Variants in COMMD10 observed in about 807,000 individuals in gnomAD.
The protein encoded by COMMD10 is COMM domain containing 10, also known as COMM domain-containing protein 10.
COMMD10 carries 33 observed loss-of-function variants against 28.9 expected under a neutral mutation model. That is an observed-to-expected ratio of 1.14 (90% CI 0.87 to 1.53). The LOEUF is 1.53. COMMD10 is among the 40% of genes most tolerant of loss of function. The pLI, the probability that COMMD10 is intolerant of heterozygous loss-of-function variation, is 0.00. For missense variants in COMMD10, 310 were observed against 233.4 expected (o/e 1.33, Z -2.14); for synonymous variants, 110 against 81.7 (o/e 1.35, Z -1.87).
At chr5:116,273,033 A>G (rs963797432) in intron 5 of COMMD10, among the ~76,000 whole-genome samples, 12 of 151,806 alleles carry the variant, frequency 7.9e-5, no homozygotes, top group African/African-American at 2.7e-4. Flanking sequence ...TCTTTATAAA[A>G]CATCAATGAT....
intron 4 of COMMD10, among the ~76,000 whole-genome samples, chr5:116,109,193 G>A (rs1356206011): frequency 6.6e-6 from 1 of 152,148 alleles, no homozygotes; most frequent in African/African-American, 2.4e-5. Flanking sequence ...ATGAGCATGG[G>A]ATGTTTTTCC....
At chr5:116,158,152 C>A (rs62385215) in intron 5 of COMMD10, among the ~76,000 whole-genome samples, 2,854 of 85,460 alleles carry the variant, frequency 0.033, 233 homozygotes, top group Admixed American at 0.047. Flanking sequence ...CCCTCCCTTC[C>A]CCTCCCTCCC....
intron 4 of COMMD10, among the ~76,000 whole-genome samples, chr5:116,119,086 A>G (rs754143774): frequency 2.0e-5 from 3 of 152,132 alleles, no homozygotes; most frequent in Non-Finnish European, 2.9e-5. Flanking sequence ...TTATCTTCAT[A>G]TATTCTTGGT....
Position 116,262,063 on chromosome 5 carries a change from CTTTG to C in COMMD10, c.511-29449_511-29446del, listed in dbSNP as rs1027344278. 5.3e-5 allele frequency among the ~76,000 whole-genome samples: 8 copies of C among 151,630 alleles called. 1 individual carries two copies. The highest frequency in any genetic ancestry group is 9.7e-5 in the African/African-American group (4 of 41,080). On this transcript the variant is annotated intron_variant, in intron 5 of 6. Coordinates refer to ENST00000274458, the MANE Select transcript of COMMD10 (RefSeq NM_016144.4). ...AGGTAAGGCACAGAGAGGTTAATTA[CTTTG>C]TTTGAGGCCACACTAATAAGTGGTA...
chr5:116,149,875 T>C (rs1752461525), intron 5 of COMMD10, among the ~76,000 whole-genome samples: 1 of 151,280 alleles, frequency 6.6e-6, no homozygotes, highest in Admixed American at 6.6e-5. Context: ...ATCCCATTTG[T>C]CAATTTTGTC....
At chr5:116,200,392 T>A (rs1298116350) in intron 5 of COMMD10, among the ~76,000 whole-genome samples, 3 of 152,126 alleles carry the variant, frequency 2.0e-5, no homozygotes, top group African/African-American at 7.2e-5. Flanking sequence ...GAAGATGGTA[T>A]CCTTAAGTGT....
chr5:116,164,431 C>T (rs1211714352), intron 5 of COMMD10, among the ~76,000 whole-genome samples: 2 of 152,182 alleles, frequency 1.3e-5, no homozygotes, highest in African/African-American at 2.4e-5. Flanking sequence ...CAGTTGTTCA[C>T]ACAAAGGTTA....
At chr5:116,270,326 T>C (rs1428522216) in intron 5 of COMMD10, among the ~76,000 whole-genome samples, 1 of 151,890 alleles carries the variant, frequency 6.6e-6, no homozygotes, top group African/African-American at 2.4e-5. Context: ...TTTAAATATT[T>C]CATAATTGAA....
chr5:116,218,203 T>C, intron 5 of COMMD10: 1 of 773,044 alleles, frequency 1.3e-6, no homozygotes, highest in South Asian at 1.3e-5. Flanking sequence ...GAGAAGCAGG[T>C]TTAGCGGACA....
In COMMD10 at chr5:116,161,557, AAC is replaced by A. The variant is rs373511647; in HGVS notation, c.510+27381_510+27382del. Among the ~76,000 whole-genome samples the A allele has an allele frequency of 1.3e-3, 192 of 152,240 alleles. 2 individuals carry two copies. Among genetic ancestry groups the A allele is most frequent in the African/African-American group, 4.1e-3 (169 of 41,536 alleles). On this transcript the variant is annotated intron_variant, in intron 5 of 6. Coordinates refer to ENST00000274458, the MANE Select transcript of COMMD10 (RefSeq NM_016144.4). The stretch of plus-strand genomic sequence containing the variant: ...ACTGTTACCCAGAAGCCTTACCAAT[AAC>A]AGTCAACACATATTTTATATATTAT...
intron 5 of COMMD10, chr5:116,255,706 C>T (rs949465514): frequency 2.0e-5 from 3 of 151,316 alleles, no homozygotes; most frequent in South Asian, 2.1e-4. Flanking sequence ...TAATAGTGTA[C>T]GTAAATGCTA....
intron 5 of COMMD10, among the ~76,000 whole-genome samples, chr5:116,150,109 A>G (rs948013611): frequency 2.6e-4 from 39 of 152,288 alleles, no homozygotes; most frequent in Admixed American, 3.9e-4. Flanking sequence ...TTTATTAAAT[A>G]GGGAATACTT....
intron 5 of COMMD10, among the ~76,000 whole-genome samples, chr5:116,216,751 GT>G (rs1749113273): frequency 6.6e-6 from 1 of 152,064 alleles, no homozygotes; most frequent in African/African-American, 2.4e-5. Flanking sequence ...GGCCAGGATG[GT>G]CTCGATCTCT....
chr5:116,092,461 TA>T, intron 3 of COMMD10, 83 bp from the exon 4 acceptor site: 2 of 972,490 alleles, frequency 2.1e-6, no homozygotes, highest in South Asian at 5.6e-5. Flanking sequence ...TTAAGTCATT[TA>T]AAAATAGTTT....
chr5:116,125,050 T>G (rs896707542), intron 4 of COMMD10, among the ~76,000 whole-genome samples: 24 of 152,322 alleles, frequency 1.6e-4, no homozygotes, highest in African/African-American at 4.6e-4. Context: ...TTAGCCCATT[T>G]ACATTTAACG....
intron 4 of COMMD10, among the ~76,000 whole-genome samples, chr5:116,095,365 G>A (rs1343393505): frequency 2.0e-5 from 3 of 152,220 alleles, no homozygotes; most frequent in African/African-American, 4.8e-5. Context: ...ACAGGCTAAT[G>A]TAAGTATACT....
chr5:116,200,288 A>G (rs1748632514), intron 5 of COMMD10, among the ~76,000 whole-genome samples: 1 of 151,970 alleles, frequency 6.6e-6, no homozygotes. Flanking sequence ...GAAAAATTGG[A>G]TGTAATTATC....
chr5:116,258,890 G>A (rs1750361976), intron 5 of COMMD10, among the ~76,000 whole-genome samples: 1 of 151,392 alleles, frequency 6.6e-6, no homozygotes, highest in African/African-American at 2.4e-5. Context: ...TCATTTCTGT[G>A]ATTGCTTTTT....
chr5:116,191,800 T>C (rs1254570331), intron 5 of COMMD10, among the ~76,000 whole-genome samples: 1 of 151,914 alleles, frequency 6.6e-6, no homozygotes, highest in African/African-American at 2.4e-5. Flanking sequence ...GCTGATGCTC[T>C]CTGGAAAGCA....
Sources: allele counts gnomAD v4.1 joint callset (sites outside exome capture counted in the v4.1 genomes callset), GRCh38; gene constraint gnomAD v4.1.1; transcripts MANE v1.5; gene names NCBI Gene and HGNC (gene_info 2026-07-23, HGNC 2026-07-21).